Variants in SPRN observed in about 807,000 individuals in gnomAD.
SPRN encodes hypothetical protein BC004409.
For synonymous variants in SPRN, 182 were observed against 123.4 expected, an observed-to-expected ratio of 1.48 and a Z score of -3.15; for missense variants, 312 against 241.4, an observed-to-expected ratio of 1.29 and a Z score of -1.94.
At position 133,423,065 on chromosome 10, in the gene SPRN, GGCAGGACGGTGGATGGC is replaced by G; in HGVS notation, c.*144_*160del. Reference sequence around the variant, plus strand: ...GGAGGTGGCAGGCTGAGGCGGCGTGGGCAGGACGGTGGATGGCGGGTCCACAGGGACAGCCAGCAGCT... The same window carrying G: ...GGAGGTGGCAGGCTGAGGCGGCGTGGGGGTCCACAGGGACAGCCAGCAGCT... On this transcript the variant is annotated 3_prime_UTR_variant, in exon 2 of 2. Coordinates refer to ENST00000685335, the MANE Select transcript of SPRN (RefSeq NM_001391974.1). 1.3e-6 allele frequency: 1 copy of G among 757,748 alleles called. No individual in the cohort carries two copies. The highest frequency in any genetic ancestry group is 1.9e-5 in the South Asian group (1 of 52,534). The allele number at this position is 757,748 out of a possible 1,614,324, so 46.9% of individuals were successfully genotyped here.
chr10:133,423,710 A>C lies in SPRN; in HGVS notation c.-16-13T>G. 6.6e-7 allele frequency: 1 copy of C among 1,520,756 alleles called. No individual in the cohort carries two copies. The highest frequency in any genetic ancestry group is 8.9e-7 in the Non-Finnish European group (1 of 1,125,856). 94.2% of individuals were successfully genotyped at this position (1,520,756 alleles called of 1,614,324 possible). On this transcript the variant is annotated splice_polypyrimidine_tract_variant and intron_variant, in intron 1 of 1. Coordinates refer to ENST00000685335, the MANE Select transcript of SPRN (RefSeq NM_001391974.1). Reference sequence around the variant, plus strand: ...CGTGGGGCTAAACCTGCGGGAAGAGAGGGAAAGGGCCCTTAGTTTCCATGG... The same window carrying C: ...CGTGGGGCTAAACCTGCGGGAAGAGCGGGAAAGGGCCCTTAGTTTCCATGG...
chr10:133,423,209 C>A lies in SPRN; in HGVS notation c.*17G>T, dbSNP rs1352043135. On this transcript the variant is annotated 3_prime_UTR_variant, in exon 2 of 2. Coordinates refer to ENST00000685335, the MANE Select transcript of SPRN (RefSeq NM_001391974.1). Reference sequence around the variant, plus strand: ...CGCGGGCCGGGGGCCAGATGTGGTCCCCGAGCCCAGCCAGGCCTAGGGCCG... The same window carrying A: ...CGCGGGCCGGGGGCCAGATGTGGTCACCGAGCCCAGCCAGGCCTAGGGCCG... The A allele has an allele frequency of 1.8e-5, 25 of 1,406,118 alleles. No individual in the cohort carries two copies. Among genetic ancestry groups the A allele is most frequent in the East Asian group, 5.9e-5 (2 of 33,722 alleles). The allele number at this position is 1,406,118 out of a possible 1,614,324, so 87.1% of individuals were successfully genotyped here. A position where few individuals can be genotyped will look rare whatever the true frequency, so the allele number is the denominator to read the frequency against.
At position 133,423,092 on chromosome 10, in the gene SPRN, G is replaced by C. The variant is rs1202983655; in HGVS notation, c.*134C>G. The stretch of plus-strand genomic sequence containing the variant: ...CAGGACGGTGGATGGCGGGTCCACA[G>C]GGACAGCCAGCAGCTCCTGCACCCA... On this transcript the variant is annotated 3_prime_UTR_variant, in exon 2 of 2. Transcript: ENST00000685335. The C allele has an allele frequency of 1.0e-6, 1 of 973,166 alleles. No homozygotes were observed. The highest frequency in any genetic ancestry group is 3.0e-5 in the East Asian group (1 of 32,936). The allele number at this position is 973,166 out of a possible 1,614,324, so 60.3% of individuals were successfully genotyped here.
chr10:133,423,442 GGCCGCTCCCGCC>G lies in SPRN; in HGVS notation c.228_239del (p.Ala79_Gly82del). On this transcript the variant is annotated inframe_deletion, in exon 2 of 2. Coordinates refer to ENST00000685335, the MANE Select transcript of SPRN (RefSeq NM_001391974.1). ...AGCCCGAGCCCGCCGCCAGGCCCGC[GGCCGCTCCCGCC>G]GCCGCCCCGGCTGCCGCCCCGGCGG... is the stretch of plus-strand genomic sequence containing the variant. 3.2e-6 allele frequency: 4 copies of G among 1,259,400 alleles called. No homozygotes were observed. Among genetic ancestry groups the G allele is most frequent in the Non-Finnish European group, 4.0e-6 (4 of 1,006,052 alleles). 78.0% of individuals were successfully genotyped at this position (1,259,400 alleles called of 1,614,324 possible). A position where few individuals can be genotyped will look rare whatever the true frequency, so the allele number is the denominator to read the frequency against.
Position 133,423,594 on chromosome 10 carries a change from C to G in SPRN, c.88G>C (p.Gly30Arg), listed in dbSNP as rs1451220046. The G allele has an allele frequency of 2.0e-6, 3 of 1,503,194 alleles. No homozygotes were observed. Among genetic ancestry groups the G allele is most frequent in the Non-Finnish European group, 1.8e-6 (2 of 1,129,328 alleles). The allele number at this position is 1,503,194 out of a possible 1,614,324, so 93.1% of individuals were successfully genotyped here. Residue 30 changes from glycine (G) to arginine (R), a missense_variant, in exon 2 of 2, where the codon GGT becomes CGT. Coordinates refer to ENST00000685335, the MANE Select transcript of SPRN (RefSeq NM_001391974.1). ...CCTCCCCGGGCACTGCCCCGCGCACCTCCGCGGCCGCCCTTGGCTGCGCCG... is the reference window on the plus strand; with the variant it reads ...CCTCCCCGGGCACTGCCCCGCGCACGTCCGCGGCCGCCCTTGGCTGCGCCG... ...DSGAAKGGRG[G>R]ARGSARGGVR...
chr10:133,423,959 A>C (rs1288232075), intron 1 of SPRN, among the ~76,000 whole-genome samples: 2 of 141,120 alleles, frequency 1.4e-5, no homozygotes, highest in Non-Finnish European at 3.1e-5. Context: ...TTGGGGGTGT[A>C]GAAGCGGGGC....
At position 133,423,239 on chromosome 10, in the gene SPRN, A is replaced by T; in HGVS notation, c.443T>A (p.Leu148Gln). Reference protein sequence around the residue: ...VLGGALGALGLLRP With the variant: ...VLGGALGALGQLRP ...GCCCAGCCAGGCCTAGGGCCGCAGC[A>T]GCCCCAGGGCTCCGAGGGCGCCGCC... Residue 148 changes from leucine (L) to glutamine (Q), a missense_variant, in exon 2 of 2, where the codon CTG (leucine) becomes CAG (glutamine). By Grantham distance (113) the Leu-to-Gln change is moderately radical (BLOSUM62 -2). Coordinates refer to ENST00000685335, the MANE Select transcript of SPRN (RefSeq NM_001391974.1). The T allele has an allele frequency of 6.8e-7, 1 of 1,466,540 alleles. No homozygotes were observed. The highest frequency in any genetic ancestry group is 9.0e-7 in the Non-Finnish European group (1 of 1,110,116). The allele number at this position is 1,466,540 out of a possible 1,614,324, so 90.8% of individuals were successfully genotyped here. A position where few individuals can be genotyped will look rare whatever the true frequency, so the allele number is the denominator to read the frequency against.
Position 133,423,491 on chromosome 10 carries a change from A to T in SPRN, c.191T>A (p.Leu64Gln), listed in dbSNP as rs997562824. The T allele has an allele frequency of 1.5e-3, 1,711 of 1,162,102 alleles. 2 individuals carry two copies. Among genetic ancestry groups the T allele is most frequent in the Non-Finnish European group, 1.7e-3 (1,639 of 947,874 alleles). 72.0% of individuals were successfully genotyped at this position (1,162,102 alleles called of 1,614,324 possible). The change falls in exon 2 of 2, where the codon CTG becomes CAG. Residue 64 changes from leucine (L) to glutamine (Q), a missense_variant. By Grantham distance (113) the Leu-to-Gln change is moderately radical. Transcript: ENST00000685335. The stretch of plus-strand genomic sequence containing the variant: ...TGCCGCCCCGGCGGCAGCCACGCGC[A>T]GGGAGGAGCCCGGGGCACCGTAGCG... ...AQRYGAPGSS[L>Q]RVAAAGAAAG... is the part of the protein sequence containing the mutation.
Position 133,423,162 on chromosome 10 carries a change from G to A in SPRN, c.*64C>T. On this transcript the variant is annotated 3_prime_UTR_variant, in exon 2 of 2. Coordinates refer to ENST00000685335, the MANE Select transcript of SPRN (RefSeq NM_001391974.1). ...GGCAAGGGAGGAAGGGGGAGCCCAGGCCGGAGGATCCTGGGGGATGGCGCG... is the reference window on the plus strand; with the variant it reads ...GGCAAGGGAGGAAGGGGGAGCCCAGACCGGAGGATCCTGGGGGATGGCGCG... The A allele has an allele frequency of 7.4e-7, 1 of 1,357,654 alleles. No individual in the cohort carries two copies. The highest frequency in any genetic ancestry group is 1.6e-5 in the South Asian group (1 of 60,908). The allele number at this position is 1,357,654 out of a possible 1,614,324, so 84.1% of individuals were successfully genotyped here.
chr10:133,423,200 G>C lies in SPRN; in HGVS notation c.*26C>G. ...GGGGGATGGCGCGGGCCGGGGGCCA[G>C]ATGTGGTCCCCGAGCCCAGCCAGGC... On this transcript the variant is annotated 3_prime_UTR_variant, in exon 2 of 2. Transcript: ENST00000685335. The C allele has an allele frequency of 7.2e-7, 1 of 1,396,836 alleles. No individual in the cohort carries two copies. Among genetic ancestry groups the C allele is most frequent in the Non-Finnish European group, 9.3e-7 (1 of 1,074,252 alleles). 86.5% of individuals were successfully genotyped at this position (1,396,836 alleles called of 1,614,324 possible). A position where few individuals can be genotyped will look rare whatever the true frequency, so the allele number is the denominator to read the frequency against.
chr10:133,423,407 G>A lies in SPRN; in HGVS notation c.275C>T (p.Ala92Val). The A allele has an allele frequency of 6.8e-7, 1 of 1,481,268 alleles. No homozygotes were observed. Among genetic ancestry groups the A allele is most frequent in the East Asian group, 2.9e-5 (1 of 34,842 alleles). The allele number at this position is 1,481,268 out of a possible 1,614,324, so 91.8% of individuals were successfully genotyped here. Residue 92 changes from alanine to valine, a missense_variant, in exon 2 of 2, where the codon GCC becomes GTC. Ala to Val is a moderately conservative substitution (Grantham distance 64). Transcript: ENST00000685335. ...GLAAGSGWRR[A>V]AGPGERGLED... is the part of the protein sequence containing the mutation. ...CAGGCCGCGTTCCCCGGGTCCCGCGGCCCTTCTCCAGCCCGAGCCCGCCGC... is the reference window on the plus strand; with the variant it reads ...CAGGCCGCGTTCCCCGGGTCCCGCGACCCTTCTCCAGCCCGAGCCCGCCGC...
In SPRN at chr10:133,420,856, AG is replaced by A. The variant is rs1850220714; in HGVS notation, c.*2369del. 6.6e-6 allele frequency: 1 copy of A among 152,422 alleles called. No homozygotes were observed. The highest frequency in any genetic ancestry group is 1.5e-5 in the Non-Finnish European group (1 of 68,184). The allele number at this position is 152,422 out of a possible 1,614,324, so 9.4% of individuals were successfully genotyped here. The stretch of plus-strand genomic sequence containing the variant: ...GAAGGCCGCCCGGCATGGGCAGTAG[AG>A]ACCCCTGGCCTCTGAGCACCTTCTA... On this transcript the variant is annotated 3_prime_UTR_variant, in exon 2 of 2. Transcript: ENST00000685335.
At position 133,423,436 on chromosome 10, in the gene SPRN, GCCCGCGGCCGCT is replaced by G. The variant is rs761514788; in HGVS notation, c.234_245del (p.Ala79_Gly82del). ...TTCTCCAGCCCGAGCCCGCCGCCAG[GCCCGCGGCCGCT>G]CCCGCCGCCGCCCCGGCTGCCGCCC... On this transcript the variant is annotated inframe_deletion, in exon 2 of 2. Coordinates refer to ENST00000685335, the MANE Select transcript of SPRN (RefSeq NM_001391974.1). 3.1e-6 allele frequency: 4 copies of G among 1,277,352 alleles called. No homozygotes were observed. Among genetic ancestry groups the G allele is most frequent in the East Asian group, 6.4e-5 (2 of 31,388 alleles). 79.1% of individuals were successfully genotyped at this position (1,277,352 alleles called of 1,614,324 possible).
Sources: allele counts gnomAD v4.1 joint callset (sites outside exome capture counted in the v4.1 genomes callset), GRCh38; gene constraint gnomAD v4.1.1; transcripts MANE v1.5; gene names NCBI Gene and HGNC (gene_info 2026-07-23, HGNC 2026-07-21).